The following ZNF318 variants were observed in gnomAD, a reference collection of about 807,000 sequenced individuals.
ZNF318 encodes endocrine regulator.
ZNF318 carries 51 observed loss-of-function variants against 124.2 expected under a neutral mutation model. That is an observed-to-expected ratio of 0.41 (90% CI 0.33 to 0.52). The LOEUF is 0.52. Among genes scored for constraint, ZNF318 ranks in the 20% least tolerant of loss-of-function variants. ZNF318 has a pLI of 0.23. For missense variants in ZNF318, 2,815 were observed against 2,811.2 expected (o/e 1.00, Z -0.03); for synonymous variants, 1,090 against 1,040.7 (o/e 1.05, Z -0.91).
At position 43,337,082 on chromosome 6, in the gene ZNF318, A is replaced by G; in HGVS notation, c.*76T>C. On this transcript the variant is annotated 3_prime_UTR_variant, in exon 10 of 10. Coordinates refer to ENST00000361428, the MANE Select transcript of ZNF318 (RefSeq NM_014345.3). Reference sequence around the variant, plus strand: ...GTGTAGGTTCCAGATGAGATAACAAACTAGTCTTGGATCATCTGGGCATCT... The same window carrying G: ...GTGTAGGTTCCAGATGAGATAACAAGCTAGTCTTGGATCATCTGGGCATCT... 1 of 1,363,442 alleles carries G rather than the reference A, an allele frequency of 7.3e-7. No homozygotes were observed. Among genetic ancestry groups the G allele is most frequent in the East Asian group, 2.4e-5 (1 of 42,440 alleles). The allele number at this position is 1,363,442 out of a possible 1,614,324, so 84.5% of individuals were successfully genotyped here. A position where few individuals can be genotyped will look rare whatever the true frequency, so the allele number is the denominator to read the frequency against.
At position 43,338,723 on chromosome 6, in the gene ZNF318, T is replaced by G. The variant is rs745932866; in HGVS notation, c.5275A>C (p.Lys1759Gln). The G allele has an allele frequency of 6.4e-5, 103 of 1,614,106 alleles. No homozygotes were observed. Among genetic ancestry groups the G allele is most frequent in the Non-Finnish European group, 8.2e-5 (97 of 1,180,044 alleles). The change falls in exon 10 of 10, where the codon AAG becomes CAG. Residue 1759 changes from lysine to glutamine, a missense_variant. Around this residue, in one of 4 missense-constraint regions of ZNF318, gnomAD observed 927 missense variants for 820.6 expected, o/e 1.13. Transcript: ENST00000361428. ...GATTTACGGAGCTCTTGGCTTTCCT[T>G]ATCCTGGTTAACAGATTCTCTGAGG... ...IHLRESVNQD[K>Q]ESQELRKSED...
chr6:43,368,876 T>C (rs1218193081), intron 1 of ZNF318, 91 bp downstream of exon 1: 3 of 1,246,462 alleles, frequency 2.4e-6, no homozygotes, highest in South Asian at 3.0e-5. Context: ...CTTAGGACCC[T>C]GGTCTGGAGG....
intron 6 of ZNF318, among the ~76,000 whole-genome samples, chr6:43,345,364 T>C (rs1323173269): frequency 6.6e-6 from 1 of 152,032 alleles, no homozygotes; most frequent in Non-Finnish European, 1.5e-5. Flanking sequence ...AACTATACAT[T>C]TTAAAGAGAG....
chr6:43,360,096 A>T lies in ZNF318; in HGVS notation c.549-2331T>A, dbSNP rs534585716. Among the ~76,000 whole-genome samples, 5 of 152,290 alleles carry T rather than the reference A, an allele frequency of 3.3e-5. No individual in the cohort carries two copies. The South Asian group carries it at 1.0e-3, about 32-fold the overall frequency. On this transcript the variant is annotated intron_variant, in intron 2 of 9. Coordinates refer to ENST00000361428, the MANE Select transcript of ZNF318 (RefSeq NM_014345.3). ...AGGCTCCATGAGGAGTGGCAAGTTC[A>T]TTCACACTCCCACATTCAGCTCCCC... is the stretch of plus-strand genomic sequence containing the variant.
Position 43,336,399 on chromosome 6 carries a change from A to T in ZNF318, c.*759T>A, listed in dbSNP as rs575983469. 1 of 152,416 alleles carries T rather than the reference A, an allele frequency of 6.6e-6. No homozygotes were observed. 9.4% of individuals were successfully genotyped at this position (152,416 alleles called of 1,614,324 possible). A position where few individuals can be genotyped will look rare whatever the true frequency, so the allele number is the denominator to read the frequency against. On this transcript the variant is annotated 3_prime_UTR_variant, in exon 10 of 10. Transcript: ENST00000361428. ...CAAAAATAAAAGTGATCTCAAAAGC[A>T]TATCTGCTCCTGGCAATGAACCATG...
At position 43,338,602 on chromosome 6, in the gene ZNF318, G is replaced by T; in HGVS notation, c.5396C>A (p.Thr1799Asn). 1 of 1,614,072 alleles carries T rather than the reference G, an allele frequency of 6.2e-7. No individual in the cohort carries two copies. The highest frequency in any genetic ancestry group is 8.5e-7 in the Non-Finnish European group (1 of 1,180,004). ...ATCTATGCTGTGGGGTCCAATGCTG[G>T]TACTTACTCCCTCATCAACTATCCC... ...SEGIVDEGVSTSIGPHSIDDS... is the reference protein window; with the variant it reads ...SEGIVDEGVSNSIGPHSIDDS... Residue 1799 changes from threonine to asparagine, a missense_variant, in exon 10 of 10, where the codon ACC becomes AAC. This residue lies in a region of ZNF318 where 927 missense variants were observed against 820.6 expected (regional missense o/e 1.13). Coordinates refer to ENST00000361428, the MANE Select transcript of ZNF318 (RefSeq NM_014345.3).
chr6:43,356,468 GA>G (rs913455733), intron 3 of ZNF318, among the ~76,000 whole-genome samples: 3 of 150,790 alleles, frequency 2.0e-5, no homozygotes, highest in African/African-American at 4.9e-5. Context: ...AAAAGAAAAG[GA>G]AAAAAAAAGC....
At chr6:43,353,887 A>T (rs1779566569) in intron 4 of ZNF318, among the ~76,000 whole-genome samples, 1 of 152,100 alleles carries the variant, frequency 6.6e-6, no homozygotes, top group Non-Finnish European at 1.5e-5. Flanking sequence ...TCTTTACCCC[A>T]GTCACTGCTT....
In ZNF318 at chr6:43,355,590, G is replaced by A. The variant is rs577499086; in HGVS notation, c.1744C>T (p.Leu582=). The A allele has an allele frequency of 2.2e-5, 36 of 1,614,158 alleles. No homozygotes were observed. The South Asian group carries it at 3.6e-4, about 16-fold the overall frequency. ...GCATATTCTGGATTGGTCTCTTCTA[G>A]TGATTCTAGCTTTACAGCTGGAGCT... ...SSAPAVKLES[L]EETNPEYAKI... is the part of the protein sequence containing the mutation. Residue 582 remains leucine (L), a synonymous_variant, in exon 4 of 10, where the codon CTA becomes TTA. Coordinates refer to ENST00000361428, the MANE Select transcript of ZNF318 (RefSeq NM_014345.3).
At chr6:43,363,918 C>T (rs1779722737) in intron 2 of ZNF318, 3 of 677,412 alleles carry the variant, frequency 4.4e-6, no homozygotes, top group Admixed American at 4.3e-5. Context: ...TGCACAGAGG[C>T]TACTGGGGGA....
In ZNF318 at chr6:43,342,192, C is replaced by T; in HGVS notation, c.3296G>A (p.Arg1099Lys). 1 of 1,613,206 alleles carries T rather than the reference C, an allele frequency of 6.2e-7. No individual in the cohort carries two copies. The highest frequency in any genetic ancestry group is 8.5e-7 in the Non-Finnish European group (1 of 1,179,588). The change falls in exon 8 of 10, where the codon AGA (arginine) becomes AAA (lysine). Residue 1099 changes from arginine to lysine, a missense_variant. By Grantham distance (26) the Arg-to-Lys change is conservative. This residue lies in a region of ZNF318 where 500 missense variants were observed against 605.2 expected (regional missense o/e 0.83). Coordinates refer to ENST00000361428, the MANE Select transcript of ZNF318 (RefSeq NM_014345.3). The stretch of plus-strand genomic sequence containing the variant: ...ACTCTGGGTCTTTGAAGCCCAAGGT[C>T]TGTTGTAGGGATCCAGTGTCTATTT... ...KHTQTLDPYNRPWASKTQSEA... is the reference protein window; with the variant it reads ...KHTQTLDPYNKPWASKTQSEA...
Position 43,337,722 on chromosome 6 carries a change from A to G in ZNF318, c.6276T>C (p.Pro2092=). ...AAGGGATCCTAACACTCCTGGGATT[A>G]GGTGAGTTTCGTTCACCCTCTGTCT... ...DFETEGERNS[P]NPRSVRIPSP... The change falls in exon 10 of 10, where the codon CCT becomes CCC. Residue 2092 remains proline, a synonymous_variant. Transcript: ENST00000361428. The G allele has an allele frequency of 6.2e-7, 1 of 1,614,210 alleles. No individual in the cohort carries two copies. Among genetic ancestry groups the G allele is most frequent in the Admixed American group, 1.7e-5 (1 of 60,026 alleles).
rs571277125 is a variant in ZNF318 at position 43,356,755 on chromosome 6, C to A, written c.1188+371G>T. ...CTAGTCCAGTGTCCTACAACTCATA[C>A]ATCTTGTCTTCTCTCTAAAGAGAGA... On this transcript the variant is annotated intron_variant, in intron 3 of 9. Coordinates refer to ENST00000361428, the MANE Select transcript of ZNF318 (RefSeq NM_014345.3). Among the ~76,000 whole-genome samples, 5 of 152,270 alleles carry A rather than the reference C, an allele frequency of 3.3e-5. No individual in the cohort carries two copies. The East Asian group carries it at 9.6e-4, about 29-fold the overall frequency.
chr6:43,363,924 G>A, intron 2 of ZNF318: 2 of 676,114 alleles, frequency 3.0e-6, no homozygotes, highest in Admixed American at 2.2e-5. Context: ...GAGGCTACTG[G>A]GGGAACAAGA....
chr6:43,359,119 T>A (rs1779648990), intron 2 of ZNF318, among the ~76,000 whole-genome samples: 1 of 152,232 alleles, frequency 6.6e-6, no homozygotes, highest in Admixed American at 6.5e-5. Context: ...TAGAAGGTTC[T>A]CCAATGCTTT....
rs1383537870 is a variant in ZNF318, at chr6:43,337,276, G to T, written c.6722C>A (p.Ser2241Ter). 2 of 1,614,144 alleles carry T rather than the reference G, an allele frequency of 1.2e-6. No individual in the cohort carries two copies. The highest frequency in any genetic ancestry group is 1.7e-6 in the Non-Finnish European group (2 of 1,180,008). ...DPLNLVKAPV[S>*]RSPPREQVIE... is the part of the protein sequence containing the mutation. The stretch of plus-strand genomic sequence containing the variant: ...TACCTGCTCCCTTGGAGGGGACCTT[G>T]ACACTGGAGCTTTAACCAAATTCAG... The change falls in exon 10 of 10, where the codon TCA becomes TAA. Residue 2241 changes from serine (S) to a stop codon, truncating the protein, a stop_gained. Transcript: ENST00000361428. LOFTEE classifies it low-confidence loss of function (END_TRUNC).
In ZNF318 at chr6:43,338,073, T is replaced by G. The variant is rs771016907; in HGVS notation, c.5925A>C (p.Pro1975=). Residue 1975 remains proline (P), a synonymous_variant, in exon 10 of 10, where the codon CCA becomes CCC. Transcript: ENST00000361428. ...RPETWESPEK[P]KTEALELQDV... ...CTTGTAGCTCCAGTGCTTCTGTTTT[T>G]GGTTTCTCTGGGCTCTCCCAGGTCT... 6.2e-7 allele frequency: 1 copy of G among 1,614,234 alleles called. No homozygotes were observed.
In ZNF318 at chr6:43,356,082, A is replaced by G; in HGVS notation, c.1252T>C (p.Ser418Pro). The G allele has an allele frequency of 6.2e-7, 1 of 1,614,168 alleles. No homozygotes were observed. Among genetic ancestry groups the G allele is most frequent in the Admixed American group, 1.7e-5 (1 of 60,016 alleles). The change falls in exon 4 of 10, where the codon TCC (serine) becomes CCC (proline). Residue 418 changes from serine (S) to proline (P), a missense_variant. Transcript: ENST00000361428. ...GCAATAGCACCACTTAGTGGAAGGG[A>G]TGGGTGCCCAGAGTAGAGAGGGTGA... is the stretch of plus-strand genomic sequence containing the variant. Reference protein sequence around the residue: ...QDHPLYSGHPSLPLSGAIAAF... With the variant: ...QDHPLYSGHPPLPLSGAIAAF...
At chr6:43,354,617 G>A (rs1162021983) in intron 4 of ZNF318, 47 bp downstream of exon 4, 3 of 1,519,452 alleles carry the variant, frequency 2.0e-6, no homozygotes, top group South Asian at 2.6e-5. Context: ...ACAAATTTAT[G>A]GCAAAACAGA....
Sources: allele counts gnomAD v4.1 joint callset (sites outside exome capture counted in the v4.1 genomes callset), GRCh38; gene constraint gnomAD v4.1.1; regional missense constraint gnomAD v4.1.1; transcripts MANE v1.5; gene names NCBI Gene and HGNC (gene_info 2026-07-23, HGNC 2026-07-21).